NT5DC1: variants seen among roughly 807,000 people sequenced by gnomAD.
NT5DC1 encodes 5'-nucleotidase domain containing 1, also known as 5'-nucleotidase domain-containing protein 1.
Under a neutral mutation model 59.4 loss-of-function variants are expected in NT5DC1, and 42 were observed. That is an observed-to-expected ratio of 0.71 (90% CI 0.55 to 0.92). The LOEUF (loss-of-function observed/expected upper bound fraction) is 0.92, where lower values mean the gene tolerates loss of function less well. NT5DC1 is among the 40% of genes least tolerant of loss of function. The probability of loss-of-function intolerance (pLI) is 0.00; values close to 1 mark genes in which losing one functional copy is unlikely to be tolerated. For synonymous variants in NT5DC1, 172 were observed against 188.1 expected (o/e 0.91, Z 0.70); for missense variants, 501 against 537.1 (o/e 0.93, Z 0.66).
chr6:116,153,680 A>G (rs1274493370), intron 6 of NT5DC1, among the ~76,000 whole-genome samples: 1 of 152,152 alleles, frequency 6.6e-6, no homozygotes, highest in Admixed American at 6.6e-5. Flanking sequence ...AAACAGTCAA[A>G]TATTGGCAGT....
At chr6:116,169,978 G>T (rs1291109725) in intron 6 of NT5DC1, among the ~76,000 whole-genome samples, 3 of 152,126 alleles carry the variant, frequency 2.0e-5, no homozygotes, top group Non-Finnish European at 2.9e-5. Context: ...CTAACAAAGA[G>T]AATTAGTCAC....
chr6:116,229,712 G>A (rs775249784), intron 8 of NT5DC1, among the ~76,000 whole-genome samples: 14 of 152,102 alleles, frequency 9.2e-5, no homozygotes, highest in Non-Finnish European at 1.6e-4. Flanking sequence ...CTTGTTCACC[G>A]CAGTGTCGCC....
chr6:116,119,491 G>A (rs1412403141), intron 6 of NT5DC1: 1 of 152,788 alleles, frequency 6.5e-6, no homozygotes, highest in Non-Finnish European at 1.5e-5. Flanking sequence ...AAGTATATAT[G>A]CACCTGTATA....
intron 6 of NT5DC1, among the ~76,000 whole-genome samples, chr6:116,133,767 C>T (rs2114338751): frequency 6.6e-6 from 1 of 152,286 alleles, no homozygotes; most frequent in Middle Eastern, 3.4e-3. Flanking sequence ...GCCTCTTGCC[C>T]ACCAGTAATG....
At chr6:116,124,445 T>G (rs932335218) in intron 6 of NT5DC1, among the ~76,000 whole-genome samples, 2 of 152,156 alleles carry the variant, frequency 1.3e-5, no homozygotes, top group African/African-American at 4.8e-5. Context: ...TTTACATATA[T>G]TATCTCAGTA....
chr6:116,174,766 C>T (rs1780695343), intron 6 of NT5DC1, among the ~76,000 whole-genome samples: 2 of 152,124 alleles, frequency 1.3e-5, no homozygotes, highest in Admixed American at 1.3e-4. Flanking sequence ...TTTTGAAGGA[C>T]TCAGTCTACA....
chr6:116,158,142 C>T (rs1003576272), intron 6 of NT5DC1, among the ~76,000 whole-genome samples: 1 of 152,148 alleles, frequency 6.6e-6, no homozygotes, highest in African/African-American at 2.4e-5. Flanking sequence ...GTTCAAATTA[C>T]TACAGTTTTT....
chr6:116,219,716 G>A (rs1260661485), intron 6 of NT5DC1, among the ~76,000 whole-genome samples: 2 of 151,944 alleles, frequency 1.3e-5, no homozygotes, highest in Non-Finnish European at 2.9e-5. Flanking sequence ...CAGCACTTTG[G>A]GAGGCAGAGT....
In NT5DC1 at chr6:116,236,989, C is replaced by T. The variant is rs767735915; in HGVS notation, c.826C>T (p.Leu276=). 1 of 1,606,384 alleles carries T rather than the reference C, an allele frequency of 6.2e-7. No individual in the cohort carries two copies. The highest frequency in any genetic ancestry group is 8.5e-7 in the Non-Finnish European group (1 of 1,173,132). The part of the protein sequence containing the change: ...TLENDEEQEA[L]PSLDKPGWYS... ...AGAGAATGATGAGGAGCAGGAGGCA[C>T]TGCCATCTCTGGATAAACCTGGCTG... Residue 276 remains leucine, a synonymous_variant, in exon 9 of 12, where the codon CTG becomes TTG. Coordinates refer to ENST00000319550, the MANE Select transcript of NT5DC1 (RefSeq NM_152729.3).
At chr6:116,107,395 ATTCC>A (rs1288895220) in intron 2 of NT5DC1, among the ~76,000 whole-genome samples, 1 of 151,222 alleles carries the variant, frequency 6.6e-6, no homozygotes, top group Non-Finnish European at 1.5e-5. Context: ...TTTTTGTTTA[ATTCC>A]CTTGGTATTT....
intron 6 of NT5DC1, among the ~76,000 whole-genome samples, chr6:116,220,122 C>CTTTTTTTTTTTTTTT (rs60827021): frequency 1.3e-4 from 13 of 98,648 alleles, no homozygotes; most frequent in African/African-American, 3.5e-4. Flanking sequence ...GCTGTTTAAC[C>CTTTTTTTTTTTTTTT]TTTTTTTTTT....
intron 6 of NT5DC1, among the ~76,000 whole-genome samples, chr6:116,165,171 C>T (rs1233981840): frequency 6.6e-6 from 1 of 151,032 alleles, no homozygotes; most frequent in Non-Finnish European, 1.5e-5. Context: ...ATCCCTGTCT[C>T]TTCTGGCTTG....
chr6:116,181,365 A>G (rs1187461804), intron 6 of NT5DC1, among the ~76,000 whole-genome samples: 7 of 152,108 alleles, frequency 4.6e-5, no homozygotes, highest in Admixed American at 2.0e-4. Flanking sequence ...TGCAAAACTA[A>G]CATTGGAATT....
intron 1 of NT5DC1, among the ~76,000 whole-genome samples, chr6:116,103,034 A>G (rs773909876): frequency 1.3e-5 from 2 of 152,208 alleles, no homozygotes; most frequent in Admixed American, 6.5e-5. Context: ...GTTTTCCACA[A>G]AACCCTTCAT....
At chr6:116,132,033 C>A (rs191178486) in intron 6 of NT5DC1, among the ~76,000 whole-genome samples, 1 of 152,268 alleles carries the variant, frequency 6.6e-6, no homozygotes, top group Non-Finnish European at 1.5e-5. Flanking sequence ...GCATAGTATT[C>A]CATGGGGTAT....
At chr6:116,198,697 C>G (rs1235214871) in intron 6 of NT5DC1, among the ~76,000 whole-genome samples, 1 of 151,938 alleles carries the variant, frequency 6.6e-6, no homozygotes, top group Admixed American at 6.6e-5. Context: ...CCACTGCACT[C>G]CAGCCTGGGC....
At chr6:116,202,489 C>A (rs893174975) in intron 6 of NT5DC1, among the ~76,000 whole-genome samples, 3 of 151,908 alleles carry the variant, frequency 2.0e-5, no homozygotes, top group Admixed American at 2.0e-4. Context: ...GAGTTTCAAC[C>A]TTTAGAAAAT....
chr6:116,111,241 T>A (rs1344843635), intron 4 of NT5DC1, among the ~76,000 whole-genome samples: 1 of 152,272 alleles, frequency 6.6e-6, no homozygotes. Flanking sequence ...TCCTTAGTTG[T>A]CCTGTATTTA....
chr6:116,132,729 C>T (rs1163665351), intron 6 of NT5DC1, among the ~76,000 whole-genome samples: 1 of 152,114 alleles, frequency 6.6e-6, no homozygotes, highest in African/African-American at 2.4e-5. Context: ...ATGTGTTCAC[C>T]CCCTGTTCTG....
Sources: gnomAD v4.1 joint callset for allele counts (sites outside exome capture counted in the v4.1 genomes callset) on GRCh38, gnomAD v4.1.1 for gene constraint, MANE v1.5 for transcripts, NCBI Gene and HGNC (gene_info 2026-07-23, HGNC 2026-07-21) for gene names.